The following TRAF3 variants were observed in gnomAD, a reference collection of about 807,000 sequenced individuals.
TRAF3 encodes TNF receptor-associated factor 3.
In TRAF3, 13 loss-of-function variants were observed where a neutral mutation model predicts 62.3. The observed-to-expected ratio is 0.21, with a 90% CI of 0.14 to 0.33. TRAF3 has a LOEUF of 0.33. Ranked by LOEUF, TRAF3 falls within the 10% of genes least tolerant of loss-of-function variation. The pLI, the probability that TRAF3 is intolerant of heterozygous loss-of-function variation, is 1.00. For synonymous variants in TRAF3, 269 were observed against 283.4 expected (o/e 0.95, Z 0.51); for missense variants, 440 against 741.8 (o/e 0.59, Z 4.73).
intron 1 of TRAF3, among the ~76,000 whole-genome samples, chr14:102,793,246 TG>T (rs1897901989): frequency 6.6e-6 from 1 of 152,144 alleles, no homozygotes; most frequent in South Asian, 2.1e-4. Flanking sequence ...TGGCCTCCTG[TG>T]CTCAAGTGGT....
intron 1 of TRAF3, among the ~76,000 whole-genome samples, chr14:102,798,626 C>A (rs144749570): frequency 6.8e-4 from 104 of 152,186 alleles, no homozygotes; most frequent in African/African-American, 2.3e-3. Context: ...GGCGACAGAG[C>A]GAGACCCTGT....
intron 4 of TRAF3, 58 bp from the exon 5 acceptor site, chr14:102,875,566 G>A (rs1263216705): frequency 4.8e-6 from 7 of 1,456,080 alleles, no homozygotes; most frequent in East Asian, 2.3e-5. Flanking sequence ...GTCCAAAGTA[G>A]CAGCATGTGG....
At chr14:102,895,166 G>A (rs535206618) in intron 9 of TRAF3, 13 of 454,720 alleles carry the variant, frequency 2.9e-5, no homozygotes, top group Admixed American at 1.2e-4. Context: ...ACTACCACGC[G>A]ATGCTGCATA....
chr14:102,818,206 A>T (rs959285005), intron 1 of TRAF3, among the ~76,000 whole-genome samples: 2 of 152,188 alleles, frequency 1.3e-5, no homozygotes, highest in African/African-American at 4.8e-5. Context: ...GGTTTGGGTG[A>T]GCTGGGGGTA....
At chr14:102,836,973 C>T (rs1886047148) in intron 2 of TRAF3, among the ~76,000 whole-genome samples, 1 of 152,156 alleles carries the variant, frequency 6.6e-6, no homozygotes, top group African/African-American at 2.4e-5. Flanking sequence ...GTAACTGTGA[C>T]AGAGTAGCGC....
intron 1 of TRAF3, among the ~76,000 whole-genome samples, chr14:102,794,698 C>A (rs1897975031): frequency 6.6e-6 from 1 of 152,142 alleles, no homozygotes; most frequent in Admixed American, 6.5e-5. Context: ...ATGTTAGATA[C>A]CCATTTGAAA....
Position 102,808,512 on chromosome 14 carries a change from CAA to C in TRAF3, c.-156-21808_-156-21807del, listed in dbSNP as rs5811081. On this transcript the variant is annotated intron_variant, in intron 1 of 11. Coordinates refer to ENST00000392745, the MANE Select transcript of TRAF3 (RefSeq NM_145725.3). ...TGGGCAACAGAGCGAGACTCCATCT[CAA>C]AAAAAAAAAAAAAGAAAAGAAGAAC... 5.7e-3 allele frequency among the ~76,000 whole-genome samples: 768 copies of C among 134,152 alleles called. 5 individuals are homozygous for C. The highest frequency in any genetic ancestry group is 0.014 in the African/African-American group (502 of 36,070). 88.0% of individuals were successfully genotyped at this position (134,152 alleles called of 152,430 possible).
At chr14:102,881,435 C>T (rs1889059733) in intron 6 of TRAF3, among the ~76,000 whole-genome samples, 1 of 151,560 alleles carries the variant, frequency 6.6e-6, no homozygotes, top group South Asian at 2.1e-4. Flanking sequence ...AGATCATCTA[C>T]TTTGCAGGGA....
chr14:102,910,264 T>A lies in TRAF3; in HGVS notation c.*4480T>A, dbSNP rs370848396. 2 of 152,234 alleles carry A rather than the reference T, an allele frequency of 1.3e-5. No homozygotes were observed. Among genetic ancestry groups the A allele is most frequent in the Admixed American group, 6.5e-5 (1 of 15,276 alleles). The allele number at this position is 152,234 out of a possible 1,614,324, so 9.4% of individuals were successfully genotyped here. On this transcript the variant is annotated 3_prime_UTR_variant, in exon 12 of 12. Coordinates refer to ENST00000392745, the MANE Select transcript of TRAF3 (RefSeq NM_145725.3). ...GCTGTAAAATACTGTTTTTTAAAAA[T>A]TTTAGTCCAGATCTTTACTTATTAG...
chr14:102,884,346 A>G (rs971734127), intron 6 of TRAF3, among the ~76,000 whole-genome samples: 2 of 152,206 alleles, frequency 1.3e-5, no homozygotes, highest in Admixed American at 6.5e-5. Flanking sequence ...AACTGACGCC[A>G]TCTTCAGAAA....
chr14:102,865,667 T>C (rs1048358798), intron 2 of TRAF3, among the ~76,000 whole-genome samples: 2 of 152,092 alleles, frequency 1.3e-5, no homozygotes, highest in African/African-American at 4.8e-5. Flanking sequence ...GCCCAACTAA[T>C]TTTTGTATTT....
At position 102,876,358 on chromosome 14, in the gene TRAF3, G is replaced by C; in HGVS notation, c.403G>C (p.Val135Leu). Residue 135 changes from valine (V) to leucine (L), a missense_variant and splice_region_variant, in exon 6 of 12, where the codon GTG (valine) becomes CTG (leucine). This residue lies in a region of TRAF3 where 255 missense variants were observed against 424.1 expected (regional missense o/e 0.60). Transcript: ENST00000392745. ...AEQLMLGHLL[V>L]HLKNDCHFEE... ...GAACATTGAATGGTCTGTCTTACAG[G>C]TGCATTTAAAAAATGATTGCCATTT... is the stretch of plus-strand genomic sequence containing the variant. 6.2e-7 allele frequency: 1 copy of C among 1,614,074 alleles called. No homozygotes were observed. The highest frequency in any genetic ancestry group is 1.1e-5 in the South Asian group (1 of 91,066).
rs991619961 is a variant in TRAF3, at chr14:102,825,497, C to T, written c.-156-4837C>T. Among the ~76,000 whole-genome samples the T allele has an allele frequency of 3.9e-5, 6 of 152,258 alleles. No individual in the cohort carries two copies. The East Asian group carries it at 1.2e-3, about 29-fold the overall frequency. ...GTGGACACTCCCTTCAGCCCTGGGC[C>T]AGCTGTGGGGCCCTCCTCTGTAGGC... is the stretch of plus-strand genomic sequence containing the variant. On this transcript the variant is annotated intron_variant, in intron 1 of 11. Transcript: ENST00000392745.
intron 1 of TRAF3, among the ~76,000 whole-genome samples, chr14:102,782,405 G>C (rs988626186): frequency 3.3e-5 from 5 of 151,136 alleles, no homozygotes; most frequent in Non-Finnish European, 5.9e-5. Flanking sequence ...AGCTAATTTT[G>C]TATTTTTAGT....
At chr14:102,841,631 C>G (rs1477180614) in intron 2 of TRAF3, among the ~76,000 whole-genome samples, 1 of 152,186 alleles carries the variant, frequency 6.6e-6, no homozygotes, top group African/African-American at 2.4e-5. Flanking sequence ...TTATCAGAAC[C>G]AAAGCCCCGA....
rs1351015813 is a variant in TRAF3, at chr14:102,908,321, G to T, written c.*2537G>T. The stretch of plus-strand genomic sequence containing the variant: ...TTGTCCTTGAACCTGAGTGATGGGG[G>T]TCCTTGAGGATGGGATGGCCTGTGT... On this transcript the variant is annotated 3_prime_UTR_variant, in exon 12 of 12. Coordinates refer to ENST00000392745, the MANE Select transcript of TRAF3 (RefSeq NM_145725.3). The T allele has an allele frequency of 1.3e-5, 2 of 152,748 alleles. No individual in the cohort carries two copies. The highest frequency in any genetic ancestry group is 2.9e-5 in the Non-Finnish European group (2 of 68,420). The allele number at this position is 152,748 out of a possible 1,614,324, so 9.5% of individuals were successfully genotyped here.
At chr14:102,782,908 G>A (rs1019371998) in intron 1 of TRAF3, among the ~76,000 whole-genome samples, 1 of 152,084 alleles carries the variant, frequency 6.6e-6, no homozygotes, top group Non-Finnish European at 1.5e-5. Flanking sequence ...TAACCAAGTG[G>A]GGTAATATAA....
intron 2 of TRAF3, among the ~76,000 whole-genome samples, chr14:102,845,518 A>AAT (rs573617232): frequency 5.9e-5 from 8 of 135,902 alleles, no homozygotes; most frequent in East Asian, 2.2e-4. Flanking sequence ...TAAAAAAAAA[A>AAT]TTTTTTTTTT....
At chr14:102,811,550 G>GTTTT (rs35064640) in intron 1 of TRAF3, among the ~76,000 whole-genome samples, 9 of 79,496 alleles carry the variant, frequency 1.1e-4, no homozygotes, top group Admixed American at 1.6e-4. Flanking sequence ...GCTGTAGGCG[G>GTTTT]TTTTTTTTTT....
Sources: gnomAD v4.1 joint callset for allele counts (sites outside exome capture counted in the v4.1 genomes callset) on GRCh38, gnomAD v4.1.1 for gene constraint, gnomAD v4.1.1 regional missense constraint, MANE v1.5 for transcripts, NCBI Gene and HGNC (gene_info 2026-07-23, HGNC 2026-07-21) for gene names.